Variants in DHX29 observed in about 807,000 individuals in gnomAD.
DHX29 encodes the protein DExH-box helicase 29.
A neutral mutation model predicts 167.9 loss-of-function variants in DHX29; 79 were observed. The observed-to-expected ratio is 0.47, with a 90% CI of 0.39 to 0.57. DHX29 has a LOEUF of 0.57. Ranked by LOEUF, DHX29 falls within the 20% of genes least tolerant of loss-of-function variation. The pLI is 0.00. For missense variants in DHX29, 1,347 were observed against 1,593.4 expected (o/e 0.85, Z 2.63); for synonymous variants, 530 against 546.0 (o/e 0.97, Z 0.41).
At chr5:55,273,891 G>A (rs533584693) in intron 16 of DHX29, among the ~76,000 whole-genome samples, 11 of 151,896 alleles carry the variant, frequency 7.2e-5, no homozygotes, top group African/African-American at 1.4e-4. Context: ...GTTTGAGACC[G>A]GCCTGGTCAA....
At chr5:55,285,464 G>A (rs1283739458) in intron 9 of DHX29, 48 bp from the exon 10 acceptor site, 3 of 1,530,328 alleles carry the variant, frequency 2.0e-6, no homozygotes, top group Non-Finnish European at 2.6e-6. Context: ...GACAAAGTCA[G>A]ATAAAAAAAA....
intron 26 of DHX29, 144 bp downstream of exon 26, chr5:55,259,704 C>T: frequency 2.2e-6 from 1 of 447,732 alleles, no homozygotes; most frequent in Non-Finnish European, 4.2e-6. Flanking sequence ...GATCTGCCTA[C>T]CTTGGCCTCC....
chr5:55,296,240 A>G lies in DHX29; in HGVS notation c.485T>C (p.Leu162Pro). ...TTTACCATCTGAAAGGTTTAAACAG[A>G]GCCAATCCAAGGCAGAATGAAGGTC... ...GGDLHSALDW[L>P]CLNLSDDALP... The change falls in exon 4 of 27, where the codon CTC becomes CCC. Residue 162 changes from leucine (L) to proline (P), a missense_variant. Leu to Pro is a moderately conservative substitution (Grantham distance 98, BLOSUM62 -3). Transcript: ENST00000251636. 1 of 1,613,224 alleles carries G rather than the reference A, an allele frequency of 6.2e-7. No individual in the cohort carries two copies. The highest frequency in any genetic ancestry group is 8.5e-7 in the Non-Finnish European group (1 of 1,179,578).
chr5:55,285,140 C>T (rs112901666), intron 10 of DHX29, among the ~76,000 whole-genome samples, 153 bp downstream of exon 10: 2 of 152,020 alleles, frequency 1.3e-5, no homozygotes, highest in East Asian at 1.9e-4. Context: ...CTAAGAGGAA[C>T]GAAAGATCAA....
intron 8 of DHX29, among the ~76,000 whole-genome samples, chr5:55,286,122 C>T (rs770135600): frequency 2.0e-5 from 3 of 151,824 alleles, no homozygotes; most frequent in Non-Finnish European, 4.4e-5. Flanking sequence ...GGCGTGGTGG[C>T]GGGCGCCTGT....
rs1316173196 is a variant in DHX29 at position 55,267,675 on chromosome 5, T to C, written c.3431+11A>G. ...ATTGGCTTACTGATAACAGCCAGAT[T>C]ATGTTTTTACCCTAGATATGCATTG... On this transcript the variant is annotated intron_variant, in intron 22 of 26. Coordinates refer to ENST00000251636, the MANE Select transcript of DHX29 (RefSeq NM_019030.4). 6.3e-7 allele frequency: 1 copy of C among 1,591,534 alleles called. No homozygotes were observed. Among genetic ancestry groups the C allele is most frequent in the Non-Finnish European group, 8.6e-7 (1 of 1,169,014 alleles).
intron 5 of DHX29, 168 bp downstream of exon 5, chr5:55,295,211 T>C (rs1335512535): frequency 1.7e-6 from 1 of 582,130 alleles, no homozygotes; most frequent in South Asian, 2.5e-5. Context: ...CATTTTGGAG[T>C]GGTTTGTTAT....
chr5:55,285,173 A>G, intron 10 of DHX29, 120 bp downstream of exon 10: 2 of 1,430,228 alleles, frequency 1.4e-6, no homozygotes, highest in Non-Finnish European at 9.4e-7. Flanking sequence ...GTTGAAAGGA[A>G]GCCAAATTAG....
At chr5:55,274,206 C>T (rs1334419776) in intron 16 of DHX29, among the ~76,000 whole-genome samples, 1 of 151,524 alleles carries the variant, frequency 6.6e-6, no homozygotes, top group Non-Finnish European at 1.5e-5. Context: ...CCAGCCTGGG[C>T]AACAGGGGGA....
At chr5:55,290,969 C>T (rs982399329) in intron 6 of DHX29, among the ~76,000 whole-genome samples, 3 of 152,046 alleles carry the variant, frequency 2.0e-5, no homozygotes, top group Non-Finnish European at 4.4e-5. Flanking sequence ...GAGCTGAGAT[C>T]GTACCACTGC....
At chr5:55,274,133 C>A (rs1746986673) in intron 16 of DHX29, among the ~76,000 whole-genome samples, 1 of 151,840 alleles carries the variant, frequency 6.6e-6, no homozygotes, top group Admixed American at 6.6e-5. Flanking sequence ...GTGGCTCACG[C>A]CTGTAATCCT....
At chr5:55,307,164 A>G (rs1290367953) in intron 1 of DHX29, among the ~76,000 whole-genome samples, 1 of 152,240 alleles carries the variant, frequency 6.6e-6, no homozygotes, top group Non-Finnish European at 1.5e-5. Flanking sequence ...GAGTTAAAAG[A>G]GAAATGCCAG....
chr5:55,278,909 C>A (rs1442073834), intron 12 of DHX29, among the ~76,000 whole-genome samples: 1 of 152,146 alleles, frequency 6.6e-6, no homozygotes, highest in Non-Finnish European at 1.5e-5. Context: ...CAATAAACTG[C>A]CCTGTAAGGC....
intron 24 of DHX29, 80 bp from the exon 25 acceptor site, chr5:55,261,579 T>C: frequency 1.1e-6 from 1 of 874,658 alleles, no homozygotes; most frequent in East Asian, 2.5e-5. Flanking sequence ...AGTAAGCATT[T>C]TTCTACAATT....
Position 55,267,720 on chromosome 5 carries a change from A to T in DHX29, c.3397T>A (p.Ser1133Thr). The change falls in exon 22 of 27, where the codon TCA (serine) becomes ACA (threonine). Residue 1133 changes from serine to threonine, a missense_variant. By Grantham distance (58) the Ser-to-Thr change is moderately conservative. Coordinates refer to ENST00000251636, the MANE Select transcript of DHX29 (RefSeq NM_019030.4). ...GCATTGTAGATCGTCAGGTGGTCTGAATCCGCCATGGCCAAAGCTGATTTT... is the reference window on the plus strand; with the variant it reads ...GCATTGTAGATCGTCAGGTGGTCTGTATCCGCCATGGCCAAAGCTGATTTT... ...LAKSALAMADSDHLTIYNAYL... is the reference protein window; with the variant it reads ...LAKSALAMADTDHLTIYNAYL... 6.2e-7 allele frequency: 1 copy of T among 1,604,454 alleles called. No individual in the cohort carries two copies. The highest frequency in any genetic ancestry group is 8.5e-7 in the Non-Finnish European group (1 of 1,175,594).
At position 55,285,632 on chromosome 5, in the gene DHX29, T is replaced by C; in HGVS notation, c.1232+64A>G. Reference sequence around the variant, plus strand: ...CTTACCTCACAGGGAACAAAAAGATTTCCACCTTAAATTTTTCTAAAGTTC... The same window carrying C: ...CTTACCTCACAGGGAACAAAAAGATCTCCACCTTAAATTTTTCTAAAGTTC... On this transcript the variant is annotated intron_variant, in intron 9 of 26. Coordinates refer to ENST00000251636, the MANE Select transcript of DHX29 (RefSeq NM_019030.4). 3.4e-6 allele frequency: 5 copies of C among 1,480,966 alleles called. No individual in the cohort carries two copies. The South Asian group carries it at 7.2e-5, about 21-fold the overall frequency. The allele number at this position is 1,480,966 out of a possible 1,614,324, so 91.7% of individuals were successfully genotyped here.
At position 55,263,477 on chromosome 5, in the gene DHX29, G is replaced by A. The variant is rs558536756; in HGVS notation, c.3526-545C>T. On this transcript the variant is annotated intron_variant, in intron 23 of 26. Coordinates refer to ENST00000251636, the MANE Select transcript of DHX29 (RefSeq NM_019030.4). ...CAGCAAAACTAGCACAGGAAGGGTG[G>A]GCATTTTTCAAAGTACACAGGATAC... 3.3e-5 allele frequency among the ~76,000 whole-genome samples: 5 copies of A among 151,992 alleles called. No homozygotes were observed. The South Asian group carries it at 1.0e-3, about 32-fold the overall frequency.
rs1748316622 is a variant in DHX29, at chr5:55,296,331, G to A, written c.394C>T (p.Gln132Ter). ...TCCTTTGTCTTAAATGAAAATGCTT[G>A]TAAAGCCATGTATAAATCCTATGAC... ...KKLQDLYMAL[Q>*]AFSFKTKDIE... The change falls in exon 4 of 27, where the codon CAA becomes TAA. Residue 132 changes from glutamine to a stop codon, truncating the protein, a stop_gained. Transcript: ENST00000251636. LOFTEE classifies it high-confidence loss of function. 1 of 1,612,830 alleles carries A rather than the reference G, an allele frequency of 6.2e-7. No homozygotes were observed. The highest frequency in any genetic ancestry group is 1.3e-5 in the African/African-American group (1 of 74,908).
intron 8 of DHX29, among the ~76,000 whole-genome samples, chr5:55,286,103 A>C (rs1197529016): frequency 1.3e-5 from 2 of 152,066 alleles, no homozygotes; most frequent in African/African-American, 2.4e-5. Context: ...AAGTACAAAA[A>C]AATTATTCGG....
Sources: allele counts gnomAD v4.1 joint callset (sites outside exome capture counted in the v4.1 genomes callset), GRCh38; gene constraint gnomAD v4.1.1; transcripts MANE v1.5; gene names NCBI Gene and HGNC (gene_info 2026-07-23, HGNC 2026-07-21).